PAPPA: variants seen among roughly 807,000 people sequenced by gnomAD.
The protein encoded by PAPPA is pappalysin 1, also known as pappalysin-1.
A neutral mutation model predicts 164.0 loss-of-function variants in PAPPA; 60 were observed. The ratio of observed to expected loss-of-function variants is 0.37; its 90% CI spans 0.30 to 0.45. The LOEUF is 0.45. PAPPA is among the 20% of genes least tolerant of loss of function. PAPPA has a pLI of 1.00. For synonymous variants in PAPPA, 875 were observed against 814.1 expected (o/e 1.07, Z -1.27); for missense variants, 1,782 against 2,087.3 (o/e 0.85, Z 2.85).
At chr9:116,384,032 G>A (rs908126439) in intron 21 of PAPPA, among the ~76,000 whole-genome samples, 15 of 152,028 alleles carry the variant, frequency 9.9e-5, no homozygotes, top group African/African-American at 3.4e-4. Flanking sequence ...TTAAGTAAGT[G>A]TGAGGGTATT....
intron 13 of PAPPA, among the ~76,000 whole-genome samples, chr9:116,340,461 T>A (rs1846122092): frequency 6.6e-6 from 1 of 152,268 alleles, no homozygotes; most frequent in Non-Finnish European, 1.5e-5. Flanking sequence ...TTTAAAACTC[T>A]TAGTCCTAGT....
intron 9 of PAPPA, among the ~76,000 whole-genome samples, chr9:116,289,115 CATATACATATAT>C (rs1337483638): frequency 3.2e-4 from 11 of 34,676 alleles, no homozygotes; most frequent in Non-Finnish European, 5.8e-4. Flanking sequence ...AATAGATATG[CATATACATATAT>C]ATATATATAT....
intron 17 of PAPPA, among the ~76,000 whole-genome samples, chr9:116,357,636 G>A (rs1846370693): frequency 6.6e-6 from 1 of 152,218 alleles, no homozygotes; most frequent in South Asian, 2.1e-4. Context: ...GTGAAGGGCA[G>A]AGATTTTATC....
rs143293822 is a variant in PAPPA, at chr9:116,200,649, G to A, written c.1479-6807G>A. Among the ~76,000 whole-genome samples, 378 of 152,232 alleles carry A rather than the reference G, an allele frequency of 2.5e-3. 3 individuals carry two copies. Among genetic ancestry groups the A allele is most frequent in the Middle Eastern group, 6.8e-3 (2 of 294 alleles). ...TTATGTTGTGATCTTTCATTTATTC[G>A]TCTCACTTTCTTCATAAAACTTCTA... On this transcript the variant is annotated intron_variant, in intron 2 of 21. Transcript: ENST00000328252.
chr9:116,238,108 G>A (rs142563323), intron 7 of PAPPA, among the ~76,000 whole-genome samples: 1 of 152,154 alleles, frequency 6.6e-6, no homozygotes, highest in Non-Finnish European at 1.5e-5. Context: ...ACTCTCCCCC[G>A]AGATATTTAT....
intron 12 of PAPPA, among the ~76,000 whole-genome samples, chr9:116,333,900 C>T (rs1450525765): frequency 1.3e-5 from 2 of 152,140 alleles, no homozygotes; most frequent in African/African-American, 2.4e-5. Context: ...TATGACATCC[C>T]AGCATTCTCC....
At chr9:116,262,754 C>T (rs951243621) in intron 7 of PAPPA, among the ~76,000 whole-genome samples, 1 of 152,156 alleles carries the variant, frequency 6.6e-6, no homozygotes, top group Non-Finnish European at 1.5e-5. Flanking sequence ...CAAGTGATAG[C>T]ATAAGGCTTT....
At chr9:116,329,755 C>T (rs1845966206) in intron 10 of PAPPA, among the ~76,000 whole-genome samples, 1 of 152,140 alleles carries the variant, frequency 6.6e-6, no homozygotes, top group African/African-American at 2.4e-5. Context: ...TATGAGCTTA[C>T]CATTAGGGCT....
chr9:116,389,112 T>A (rs1846855302), intron 21 of PAPPA, among the ~76,000 whole-genome samples: 1 of 150,612 alleles, frequency 6.6e-6, no homozygotes, highest in South Asian at 2.1e-4. Context: ...CTTCTTGACC[T>A]AGCAGCCAGA....
chr9:116,334,945 C>T lies in PAPPA; in HGVS notation c.3482C>T (p.Ala1161Val), dbSNP rs375673848. 1.1e-4 allele frequency: 180 copies of T among 1,613,428 alleles called. No individual in the cohort carries two copies. Among genetic ancestry groups the T allele is most frequent in the Non-Finnish European group, 1.4e-4 (163 of 1,179,812 alleles). Reference sequence around the variant, plus strand: ...AGCCAGCCCTTCTACCACAGCCAGGCGGTACGTGTGAGCTTCAGTTCGCCC... The same window carrying T: ...AGCCAGCCCTTCTACCACAGCCAGGTGGTACGTGTGAGCTTCAGTTCGCCC... The part of the protein sequence containing the change: ...DLSQPFYHSQ[A>V]VRVSFSSPLV... The change falls in exon 13 of 22, where the codon GCG becomes GTG. Residue 1161 changes from alanine to valine, a missense_variant. Around this residue, in one of 2 missense-constraint regions of PAPPA, gnomAD observed 1,324 missense variants for 1,656.9 expected, o/e 0.80. Coordinates refer to ENST00000328252, the MANE Select transcript of PAPPA (RefSeq NM_002581.5).
intron 21 of PAPPA, among the ~76,000 whole-genome samples, chr9:116,395,448 A>C (rs1846950207): frequency 6.6e-6 from 1 of 152,200 alleles, no homozygotes; most frequent in Non-Finnish European, 1.5e-5. Context: ...GAGGTCATTA[A>C]ATCCATCTGC....
rs1846184420 is a variant in PAPPA at position 116,344,675 on chromosome 9, C to A, written c.3744C>A (p.Leu1248=). The change falls in exon 14 of 22, where the codon CTC becomes CTA. Residue 1248 remains leucine, a synonymous_variant. Transcript: ENST00000328252. The part of the protein sequence containing the change: ...CTVSCRTGYV[L]QIRRDDELIK... The stretch of plus-strand genomic sequence containing the variant: ...TGAGCTGCCGGACAGGCTACGTGCT[C>A]CAGATACGGCGGGATGATGAGCTGA... 6.2e-7 allele frequency: 1 copy of A among 1,614,130 alleles called. No homozygotes were observed. Among genetic ancestry groups the A allele is most frequent in the East Asian group, 2.2e-5 (1 of 44,878 alleles).
intron 10 of PAPPA, among the ~76,000 whole-genome samples, chr9:116,323,642 G>A (rs1379013129): frequency 1.3e-5 from 2 of 152,190 alleles, no homozygotes; most frequent in African/African-American, 4.8e-5. Flanking sequence ...GCCCAAAAAG[G>A]TGTCTTGGAA....
In PAPPA at chr9:116,400,117, G is replaced by A. The variant is rs1462205410; in HGVS notation, c.*3501G>A. 6.6e-6 allele frequency: 1 copy of A among 152,264 alleles called. No individual in the cohort carries two copies. Among genetic ancestry groups the A allele is most frequent in the Non-Finnish European group, 1.5e-5 (1 of 67,994 alleles). The allele number at this position is 152,264 out of a possible 1,614,324, so 9.4% of individuals were successfully genotyped here. A position where few individuals can be genotyped will look rare whatever the true frequency, so the allele number is the denominator to read the frequency against. On this transcript the variant is annotated 3_prime_UTR_variant, in exon 22 of 22. Transcript: ENST00000328252. ...GTGTTTTTTTCTGGAACTACTTCAA[G>A]TGAGAAAATAAAAAAAAATGGTGAC...
intron 10 of PAPPA, among the ~76,000 whole-genome samples, chr9:116,329,669 G>A (rs1845965096): frequency 6.6e-6 from 1 of 152,134 alleles, no homozygotes; most frequent in Non-Finnish European, 1.5e-5. Flanking sequence ...ATGACGTCAT[G>A]ATGTACTTAT....
chr9:116,362,715 C>T lies in PAPPA; in HGVS notation c.4471C>T (p.Gln1491Ter). ...CGAGCTCAACAGCAACCTCAAACTG[C>T]AGTGCCCTGATGGCTATGCCATAGG... is the stretch of plus-strand genomic sequence containing the variant. ...PNELNSNLKL[Q>*]CPDGYAIGSE... Residue 1491 changes from glutamine (Q) to a stop codon, truncating the protein, a stop_gained, in exon 18 of 22, where the codon CAG (glutamine) becomes TAG (stop). Coordinates refer to ENST00000328252, the MANE Select transcript of PAPPA (RefSeq NM_002581.5). LOFTEE classifies it high-confidence loss of function. 1 of 1,613,900 alleles carries T rather than the reference C, an allele frequency of 6.2e-7. No individual in the cohort carries two copies. Among genetic ancestry groups the T allele is most frequent in the South Asian group, 1.1e-5 (1 of 91,026 alleles).
intron 3 of PAPPA, among the ~76,000 whole-genome samples, chr9:116,210,069 G>T (rs1020813599): frequency 6.6e-6 from 1 of 152,080 alleles, no homozygotes; most frequent in African/African-American, 2.4e-5. Context: ...AGCCTTGGGT[G>T]GGAAGCGGAT....
intron 6 of PAPPA, among the ~76,000 whole-genome samples, chr9:116,233,783 T>C (rs1358218691): frequency 6.6e-6 from 1 of 152,128 alleles, no homozygotes; most frequent in Non-Finnish European, 1.5e-5. Context: ...TGTTACCCTG[T>C]AACATTACCA....
intron 9 of PAPPA, among the ~76,000 whole-genome samples, chr9:116,295,683 A>G (rs1845497868): frequency 6.6e-6 from 1 of 152,082 alleles, no homozygotes; most frequent in African/African-American, 2.4e-5. Context: ...TTCTTACTGT[A>G]TTAGTTCCAG....
Sources: allele counts gnomAD v4.1 joint callset (sites outside exome capture counted in the v4.1 genomes callset), GRCh38; gene constraint gnomAD v4.1.1; regional missense constraint gnomAD v4.1.1; transcripts MANE v1.5; gene names NCBI Gene and HGNC (gene_info 2026-07-23, HGNC 2026-07-21).